PLXDC2: variants seen among roughly 807,000 people sequenced by gnomAD.
PLXDC2 encodes the protein plexin domain containing 2.
Under a neutral mutation model 68.9 loss-of-function variants are expected in PLXDC2, and 40 were observed. The observed-to-expected ratio is 0.58, with a 90% CI of 0.45 to 0.76. The LOEUF (loss-of-function observed/expected upper bound fraction) is 0.76. Ranked by LOEUF, PLXDC2 falls within the 30% of genes least tolerant of loss-of-function variation. The probability of loss-of-function intolerance (pLI) is 0.00; values close to 1 mark genes in which losing one functional copy is unlikely to be tolerated. For missense variants in PLXDC2, 644 were observed against 661.9 expected (o/e 0.97, Z 0.30); for synonymous variants, 243 against 234.2 (o/e 1.04, Z -0.34).
chr10:20,044,108 CT>C, intron 2 of PLXDC2, among the ~76,000 whole-genome samples: 1 of 129,472 alleles, frequency 7.7e-6, no homozygotes, highest in African/African-American at 3.0e-5. Flanking sequence ...TCCTTCCTTC[CT>C]TCCTTCCTTC....
chr10:19,978,311 C>T (rs186330594), intron 1 of PLXDC2, among the ~76,000 whole-genome samples: 2 of 152,106 alleles, frequency 1.3e-5, no homozygotes, highest in Non-Finnish European at 2.9e-5. Context: ...ATGTCAATTT[C>T]TCTATTATCT....
chr10:20,063,882 T>C (rs932743079), intron 3 of PLXDC2, among the ~76,000 whole-genome samples: 5 of 152,234 alleles, frequency 3.3e-5, no homozygotes, highest in African/African-American at 2.4e-5. Context: ...TTCATAAATT[T>C]ATTTTCTACC....
intron 2 of PLXDC2, among the ~76,000 whole-genome samples, chr10:20,046,315 A>G (rs1045965772): frequency 6.6e-6 from 1 of 152,092 alleles, no homozygotes; most frequent in African/African-American, 2.4e-5. Flanking sequence ...TACTAATTTT[A>G]TACACACACA....
At chr10:19,838,234 A>AT (rs150008613) in intron 1 of PLXDC2, among the ~76,000 whole-genome samples, 4,325 of 152,282 alleles carry the variant, frequency 0.028, 156 homozygotes, top group African/African-American at 0.089. Flanking sequence ...AAGTGCTTGG[A>AT]TTACAGGTGT....
intron 1 of PLXDC2, among the ~76,000 whole-genome samples, chr10:19,841,713 A>G (rs1836911636): frequency 6.6e-6 from 1 of 152,104 alleles, no homozygotes; most frequent in South Asian, 2.1e-4. Flanking sequence ...GGATTAAATT[A>G]GTTAATTCAG....
At chr10:20,123,716 C>T (rs1261091262) in intron 4 of PLXDC2, among the ~76,000 whole-genome samples, 2 of 151,428 alleles carry the variant, frequency 1.3e-5, no homozygotes, top group African/African-American at 4.9e-5. Context: ...TCTTACCCTC[C>T]AGAAAAGTGG....
At chr10:20,065,848 A>G (rs1028761109) in intron 3 of PLXDC2, among the ~76,000 whole-genome samples, 3 of 152,226 alleles carry the variant, frequency 2.0e-5, no homozygotes, top group African/African-American at 7.2e-5. Context: ...GTGGCTGTAA[A>G]TACTGACGAA....
intron 7 of PLXDC2, among the ~76,000 whole-genome samples, chr10:20,166,552 A>T (rs1050797913): frequency 1.3e-5 from 2 of 152,138 alleles, no homozygotes; most frequent in African/African-American, 4.8e-5. Flanking sequence ...AGAGTTGTTA[A>T]ATCAAGCATG....
intron 1 of PLXDC2, among the ~76,000 whole-genome samples, chr10:19,911,142 C>A (rs1396040956): frequency 1.3e-5 from 2 of 151,836 alleles, no homozygotes; most frequent in African/African-American, 4.8e-5. Flanking sequence ...CTGGTGTTAA[C>A]CTTCCTTGAT....
chr10:20,203,038 C>T (rs1258436652), intron 9 of PLXDC2, among the ~76,000 whole-genome samples: 5 of 152,076 alleles, frequency 3.3e-5, no homozygotes, highest in African/African-American at 1.2e-4. Flanking sequence ...AGAAGATTCA[C>T]CTATTTCCAG....
intron 1 of PLXDC2, among the ~76,000 whole-genome samples, chr10:19,979,734 ACT>A (rs1834519256): frequency 6.6e-6 from 1 of 152,036 alleles, no homozygotes; most frequent in Admixed American, 6.5e-5. Context: ...CCTGCTTTAG[ACT>A]CTCTAAAGGT....
chr10:19,840,437 C>T (rs758105205), intron 1 of PLXDC2, among the ~76,000 whole-genome samples: 1 of 152,060 alleles, frequency 6.6e-6, no homozygotes, highest in African/African-American at 2.4e-5. Context: ...TTTTGAAGGT[C>T]ATAACCATAG....
At chr10:19,938,884 T>C (rs1833770957) in intron 1 of PLXDC2, among the ~76,000 whole-genome samples, 1 of 152,066 alleles carries the variant, frequency 6.6e-6, no homozygotes, top group Admixed American at 6.5e-5. Context: ...AAACAATCTG[T>C]AAGTAGTCTG....
At chr10:20,008,767 A>G (rs1423139180) in intron 2 of PLXDC2, among the ~76,000 whole-genome samples, 1 of 152,094 alleles carries the variant, frequency 6.6e-6, no homozygotes, top group African/African-American at 2.4e-5. Context: ...AAATCACTGA[A>G]TCATAGGGGC....
intron 9 of PLXDC2, among the ~76,000 whole-genome samples, chr10:20,186,141 T>C (rs1469071344): frequency 6.6e-6 from 1 of 151,966 alleles, no homozygotes; most frequent in Non-Finnish European, 1.5e-5. Flanking sequence ...ATTTTTGTCT[T>C]TGCTAAAAAA....
chr10:20,203,309 G>C (rs1387409870), intron 9 of PLXDC2, among the ~76,000 whole-genome samples: 3 of 113,180 alleles, frequency 2.7e-5, no homozygotes, highest in Non-Finnish European at 5.5e-5. Flanking sequence ...TTTTTTTTTT[G>C]AGACAGAGTC....
rs1045291641 is a variant in PLXDC2, at chr10:20,217,594, T to C, written c.1273+18T>C. 1 of 1,380,732 alleles carries C rather than the reference T, an allele frequency of 7.2e-7. No homozygotes were observed. The highest frequency in any genetic ancestry group is 9.4e-7 in the Non-Finnish European group (1 of 1,068,466). The allele number at this position is 1,380,732 out of a possible 1,614,324, so 85.5% of individuals were successfully genotyped here. A position where few individuals can be genotyped will look rare whatever the true frequency, so the allele number is the denominator to read the frequency against. ...TACAGAAGGTACCCAAGAGATAGTTTGCTTTTTTTTTTTTTTTTTTTTTTT... is the reference window on the plus strand; with the variant it reads ...TACAGAAGGTACCCAAGAGATAGTTCGCTTTTTTTTTTTTTTTTTTTTTTT... On this transcript the variant is annotated intron_variant, in intron 11 of 13. Coordinates refer to ENST00000377252, the MANE Select transcript of PLXDC2 (RefSeq NM_032812.9).
intron 13 of PLXDC2, among the ~76,000 whole-genome samples, chr10:20,260,536 T>A (rs1835796462): frequency 6.6e-6 from 1 of 152,246 alleles, no homozygotes; most frequent in Non-Finnish European, 1.5e-5. Flanking sequence ...TCTCCTTTTT[T>A]AAGGCTGAAT....
chr10:20,082,070 A>AAAAAAAAAAAAAAAAAAAAAAAAAAAAAC (rs1554765383), intron 4 of PLXDC2, among the ~76,000 whole-genome samples: 4 of 121,926 alleles, frequency 3.3e-5, no homozygotes, highest in Non-Finnish European at 3.5e-5. Context: ...AAATCAAAAA[A>AAAAAAAAAAAAAAAAAAAAAAAAAAAAAC]AAAAAACAGG....
Sources: gnomAD v4.1 joint callset for allele counts (sites outside exome capture counted in the v4.1 genomes callset) on GRCh38, gnomAD v4.1.1 for gene constraint, MANE v1.5 for transcripts, NCBI Gene and HGNC (gene_info 2026-07-23, HGNC 2026-07-21) for gene names.